Variants in LRP1B observed in about 807,000 individuals in gnomAD.
LRP1B encodes low-density lipoprotein receptor-related protein 1B.
A neutral mutation model predicts 556.6 loss-of-function variants in LRP1B; 217 were observed. The ratio of observed to expected loss-of-function variants is 0.39; its 90% CI spans 0.35 to 0.44. The LOEUF (loss-of-function observed/expected upper bound fraction) is 0.44, where lower values mean the gene tolerates loss of function less well. Ranked by LOEUF, LRP1B falls within the 20% of genes least tolerant of loss-of-function variation. LRP1B has a pLI of 1.00. For missense variants in LRP1B, 5,053 were observed against 5,620.8 expected, an observed-to-expected ratio of 0.90 and a Z score of 3.23; for synonymous variants, 2,047 against 1,865.8, an observed-to-expected ratio of 1.10 and a Z score of -2.50.
At chr2:141,399,131 C>T (rs1290367301) in intron 3 of LRP1B, among the ~76,000 whole-genome samples, 9 of 152,192 alleles carry the variant, frequency 5.9e-5, no homozygotes. Flanking sequence ...TGGCGCACTC[C>T]TGTAATCCCA....
intron 43 of LRP1B, among the ~76,000 whole-genome samples, chr2:140,547,585 A>AT (rs536843100): frequency 4.7e-4 from 70 of 150,514 alleles, no homozygotes; most frequent in South Asian, 4.2e-3. Flanking sequence ...TAGTTTATTA[A>AT]TTTTTTTTTC....
intron 31 of LRP1B, among the ~76,000 whole-genome samples, chr2:140,837,841 C>T (rs911619821): frequency 1.3e-5 from 2 of 152,032 alleles, no homozygotes; most frequent in African/African-American, 4.8e-5. Context: ...ATACCTAATG[C>T]TAAATGATGA....
In LRP1B at chr2:141,718,816, A is replaced by G. The variant is rs569435591; in HGVS notation, c.205+91463T>C. Among the ~76,000 whole-genome samples, 18 of 152,342 alleles carry G rather than the reference A, an allele frequency of 1.2e-4. No individual in the cohort carries two copies. The South Asian group carries it at 3.7e-3, about 32-fold the overall frequency. On this transcript the variant is annotated intron_variant, in intron 2 of 90. Coordinates refer to ENST00000389484, the MANE Select transcript of LRP1B (RefSeq NM_018557.3). ...ATTTCACATCCTGTCAATTAGTTCT[A>G]GGAACAGGAATTCAATAATTTGCCT... is the stretch of plus-strand genomic sequence containing the variant.
intron 11 of LRP1B, among the ~76,000 whole-genome samples, chr2:141,040,629 G>A (rs931532657): frequency 5.9e-5 from 9 of 151,910 alleles, no homozygotes; most frequent in Admixed American, 1.3e-4. Flanking sequence ...GTGTGTGTGC[G>A]CACATGTGTA....
intron 20 of LRP1B, among the ~76,000 whole-genome samples, chr2:140,936,137 C>T (rs72848547): frequency 0.032 from 4,808 of 150,952 alleles, 83 homozygotes; most frequent in African/African-American, 0.05. Context: ...GTCAAGGGTT[C>T]GAGACCAGCC....
intron 43 of LRP1B, among the ~76,000 whole-genome samples, chr2:140,564,825 A>G (rs749784034): frequency 5.9e-5 from 9 of 152,132 alleles, no homozygotes; most frequent in Non-Finnish European, 8.8e-5. Flanking sequence ...TTATAAAAGT[A>G]TTTCAAATTA....
At chr2:141,136,525 G>T (rs1362335297) in intron 7 of LRP1B, among the ~76,000 whole-genome samples, 1 of 149,756 alleles carries the variant, frequency 6.7e-6, no homozygotes, top group Non-Finnish European at 1.5e-5. Context: ...TTCCTTTCCT[G>T]CTTTAATATC....
At chr2:141,875,578 A>G (rs886933382) in intron 1 of LRP1B, among the ~76,000 whole-genome samples, 3 of 151,984 alleles carry the variant, frequency 2.0e-5, no homozygotes, top group African/African-American at 7.2e-5. Flanking sequence ...CATTACATTA[A>G]TAATAGTTTG....
intron 41 of LRP1B, among the ~76,000 whole-genome samples, chr2:140,639,991 A>G (rs765210630): frequency 1.6e-4 from 25 of 151,902 alleles, no homozygotes; most frequent in Non-Finnish European, 2.6e-4. Context: ...CAAATGCTAC[A>G]TTGTTTTTTG....
At chr2:141,165,931 T>C (rs996094130) in intron 7 of LRP1B, among the ~76,000 whole-genome samples, 1 of 151,984 alleles carries the variant, frequency 6.6e-6, no homozygotes, top group African/African-American at 2.4e-5. Flanking sequence ...AAAGTAAATC[T>C]CTTCTATACC....
At chr2:141,763,191 T>C (rs1574333952) in intron 2 of LRP1B, among the ~76,000 whole-genome samples, 1 of 152,226 alleles carries the variant, frequency 6.6e-6, no homozygotes, top group South Asian at 2.1e-4. Flanking sequence ...ATTCAATTCT[T>C]TACATGATTG....
intron 66 of LRP1B, among the ~76,000 whole-genome samples, chr2:140,395,695 T>C (rs1246019678): frequency 6.6e-6 from 1 of 152,232 alleles, no homozygotes; most frequent in African/African-American, 2.4e-5. Context: ...ATGACATATT[T>C]TCTTTATAAA....
intron 43 of LRP1B, among the ~76,000 whole-genome samples, chr2:140,585,983 A>G (rs1681968724): frequency 6.6e-6 from 1 of 152,196 alleles, no homozygotes; most frequent in Admixed American, 6.5e-5. Context: ...ACAGACTTAT[A>G]GAACATAAAT....
intron 3 of LRP1B, among the ~76,000 whole-genome samples, chr2:141,318,356 T>C (rs953746140): frequency 6.6e-6 from 1 of 152,176 alleles, no homozygotes; most frequent in African/African-American, 2.4e-5. Flanking sequence ...TTAGCTTATT[T>C]GTATGGATTA....
intron 3 of LRP1B, among the ~76,000 whole-genome samples, chr2:141,287,212 T>C (rs1005768331): frequency 6.6e-6 from 1 of 152,336 alleles, no homozygotes; most frequent in Admixed American, 6.5e-5. Context: ...TTATGTTCAT[T>C]ATTTCAGTTC....
intron 21 of LRP1B, among the ~76,000 whole-genome samples, chr2:140,910,238 C>T (rs1694381471): frequency 6.6e-6 from 1 of 151,604 alleles, no homozygotes; most frequent in Non-Finnish European, 1.5e-5. Flanking sequence ...AGCACAGAGA[C>T]ATTAGGAATA....
chr2:140,753,423 T>TA (rs2104899986), intron 35 of LRP1B, among the ~76,000 whole-genome samples: 1 of 152,268 alleles, frequency 6.6e-6, no homozygotes, highest in South Asian at 2.1e-4. Context: ...ATACAAATGA[T>TA]ATGAAAACAC....
chr2:142,035,439 A>G (rs1703843211), intron 1 of LRP1B, among the ~76,000 whole-genome samples: 1 of 151,562 alleles, frequency 6.6e-6, no homozygotes, highest in African/African-American at 2.4e-5. Context: ...CCAGTATTCC[A>G]GGGTAGTGGA....
At chr2:141,714,089 C>G (rs1692476296) in intron 2 of LRP1B, among the ~76,000 whole-genome samples, 1 of 152,054 alleles carries the variant, frequency 6.6e-6, no homozygotes, top group South Asian at 2.1e-4. Context: ...TCTGCAACTG[C>G]CTGTGAACTC....
Sources: gnomAD v4.1 joint callset for allele counts (sites outside exome capture counted in the v4.1 genomes callset) on GRCh38, gnomAD v4.1.1 for gene constraint, MANE v1.5 for transcripts, NCBI Gene and HGNC (gene_info 2026-07-23, HGNC 2026-07-21) for gene names.